CFAP299: variants seen among roughly 807,000 people sequenced by gnomAD.
The protein encoded by CFAP299 is cilia- and flagella-associated protein 299.
CFAP299 carries 21 observed loss-of-function variants against 27.0 expected under a neutral mutation model. The ratio of observed to expected loss-of-function variants is 0.78; its 90% CI spans 0.55 to 1.12. The LOEUF is 1.12. Ranked by LOEUF, CFAP299 falls within the 50% of genes most tolerant of loss-of-function variation. The pLI is 0.00. For synonymous variants in CFAP299, 104 were observed against 98.1 expected (o/e 1.06, Z -0.36); for missense variants, 310 against 276.6 (o/e 1.12, Z -0.86).
intron 3 of CFAP299, among the ~76,000 whole-genome samples, chr4:80,785,345 T>C (rs1178157066): frequency 5.3e-5 from 8 of 152,170 alleles, no homozygotes; most frequent in Non-Finnish European, 1.2e-4. Context: ...TTCCCGCCCT[T>C]ACCAATGGTA....
intron 3 of CFAP299, among the ~76,000 whole-genome samples, chr4:80,641,124 A>T (rs1347973340): frequency 6.6e-6 from 1 of 152,224 alleles, no homozygotes; most frequent in East Asian, 1.9e-4. Context: ...ATATGCAGAT[A>T]CAACATTATA....
At chr4:80,713,061 A>G (rs1176258745) in intron 3 of CFAP299, among the ~76,000 whole-genome samples, 1 of 152,120 alleles carries the variant, frequency 6.6e-6, no homozygotes, top group Admixed American at 6.6e-5. Flanking sequence ...GATGATGTAA[A>G]AACTAACCAT....
intron 2 of CFAP299, among the ~76,000 whole-genome samples, chr4:80,458,365 A>T (rs1729268716): frequency 6.6e-6 from 1 of 152,228 alleles, no homozygotes; most frequent in South Asian, 2.1e-4. Context: ...ACTGGACTAC[A>T]GGCTGGAGTG....
intron 3 of CFAP299, among the ~76,000 whole-genome samples, chr4:80,677,470 G>A (rs1719538951): frequency 6.6e-6 from 1 of 152,100 alleles, no homozygotes; most frequent in African/African-American, 2.4e-5. Flanking sequence ...AGGTGTGAGT[G>A]TGTGTTTACA....
intron 2 of CFAP299, among the ~76,000 whole-genome samples, chr4:80,440,271 G>A (rs1276587875): frequency 6.6e-6 from 1 of 152,134 alleles, no homozygotes; most frequent in Non-Finnish European, 1.5e-5. Context: ...ACACCTCCCA[G>A]CAGGGCTCGA....
chr4:80,961,317 A>C (rs1340546363), intron 5 of CFAP299, among the ~76,000 whole-genome samples: 1 of 151,772 alleles, frequency 6.6e-6, no homozygotes, highest in Non-Finnish European at 1.5e-5. Context: ...GCTTATTTTG[A>C]ACCAAAATTA....
At chr4:80,859,423 A>G (rs1329533711) in intron 3 of CFAP299, among the ~76,000 whole-genome samples, 1 of 151,528 alleles carries the variant, frequency 6.6e-6, no homozygotes, top group Admixed American at 6.6e-5. Flanking sequence ...TAAAGTTAAT[A>G]TTGTTATGTG....
rs139405203 is a variant in CFAP299 at position 80,470,327 on chromosome 4, A to G, written c.242+107443A>G. ...CTAGATATTATTTGTTGAAAAAAAT[A>G]TATGAATGAATTCTCAGTCTACCTT... On this transcript the variant is annotated intron_variant, in intron 2 of 5. Transcript: ENST00000358105. Among the ~76,000 whole-genome samples the G allele has an allele frequency of 3.3e-3, 506 of 152,322 alleles. 2 individuals carry two copies. Among genetic ancestry groups the G allele is most frequent in the Non-Finnish European group, 5.8e-3 (394 of 68,030 alleles).
the CFAP299 span, among the ~76,000 whole-genome samples, chr4:80,326,904 G>A: frequency 6.6e-6 from 1 of 152,084 alleles, no homozygotes; most frequent in Admixed American, 6.5e-5. Flanking sequence ...TTATAAAATT[G>A]TTTTCGTAAT....
chr4:80,587,760 T>C (rs1736522537), intron 3 of CFAP299, among the ~76,000 whole-genome samples: 2 of 152,106 alleles, frequency 1.3e-5, no homozygotes, highest in South Asian at 4.2e-4. Flanking sequence ...CCCAGCTAAT[T>C]TTTTTATTAT....
intron 2 of CFAP299, among the ~76,000 whole-genome samples, chr4:80,422,015 C>G (rs899365290): frequency 6.6e-6 from 1 of 151,848 alleles, no homozygotes; most frequent in Non-Finnish European, 1.5e-5. Flanking sequence ...TTTTATTTTC[C>G]CACCATCTTC....
intron 1 of CFAP299, among the ~76,000 whole-genome samples, chr4:80,343,794 C>A (rs1722589625): frequency 1.3e-5 from 1 of 77,604 alleles, no homozygotes; most frequent in South Asian, 6.1e-4. Context: ...GAGCGAGACT[C>A]CGTCTAAAAA....
chr4:80,490,518 C>G (rs1444231250), intron 2 of CFAP299, among the ~76,000 whole-genome samples: 1 of 152,148 alleles, frequency 6.6e-6, no homozygotes, highest in Non-Finnish European at 1.5e-5. Flanking sequence ...CTGTGAATCT[C>G]TCATACCAGA....
At chr4:80,480,565 A>C (rs368194034) in intron 2 of CFAP299, among the ~76,000 whole-genome samples, 19 of 152,160 alleles carry the variant, frequency 1.2e-4, no homozygotes, top group African/African-American at 3.1e-4. Flanking sequence ...GTCCAAGTTA[A>C]GTTCCACTTA....
chr4:80,601,756 A>G (rs1737363458), intron 3 of CFAP299, among the ~76,000 whole-genome samples: 1 of 152,122 alleles, frequency 6.6e-6, no homozygotes, highest in Admixed American at 6.6e-5. Context: ...TTCCTCAGGG[A>G]AGAGTAAGGG....
intron 2 of CFAP299, among the ~76,000 whole-genome samples, chr4:80,565,766 C>G (rs1735250867): frequency 1.3e-5 from 2 of 152,004 alleles, no homozygotes; most frequent in African/African-American, 4.8e-5. Context: ...AAGCCTTAAA[C>G]TGTTTTGAAT....
chr4:80,536,133 A>G (rs914396872), intron 2 of CFAP299, among the ~76,000 whole-genome samples: 2 of 152,188 alleles, frequency 1.3e-5, no homozygotes, highest in Non-Finnish European at 2.9e-5. Flanking sequence ...AGTGGGTGGT[A>G]GTTATATGGT....
chr4:80,434,706 G>T (rs549976313), intron 2 of CFAP299, among the ~76,000 whole-genome samples: 1 of 152,302 alleles, frequency 6.6e-6, no homozygotes, highest in South Asian at 2.1e-4. Context: ...GACAGAATTT[G>T]ATGCCACAAT....
intron 2 of CFAP299, among the ~76,000 whole-genome samples, chr4:80,515,096 C>T (rs1303752534): frequency 1.3e-5 from 2 of 152,054 alleles, no homozygotes; most frequent in African/African-American, 4.8e-5. Flanking sequence ...ATTTTAGCAT[C>T]TTAAATTTCT....
Sources: allele counts gnomAD v4.1 joint callset (sites outside exome capture counted in the v4.1 genomes callset), GRCh38; gene constraint gnomAD v4.1.1; transcripts MANE v1.5; gene names NCBI Gene and HGNC (gene_info 2026-07-23, HGNC 2026-07-21).